CACNA2D3: variants seen among roughly 807,000 people sequenced by gnomAD.
CACNA2D3 encodes the protein calcium voltage-gated channel auxiliary subunit alpha2delta 3.
A neutral mutation model predicts 160.6 loss-of-function variants in CACNA2D3; 60 were observed. The observed-to-expected ratio is 0.37, with a 90% confidence interval of 0.30 to 0.46. The LOEUF (loss-of-function observed/expected upper bound fraction) is 0.46. Among genes scored for constraint, CACNA2D3 ranks in the 20% least tolerant of loss-of-function variants. CACNA2D3 has a pLI of 1.00. For synonymous variants in CACNA2D3, 558 were observed against 492.9 expected, an observed-to-expected ratio of 1.13 and a Z score of -1.75; for missense variants, 1,205 against 1,365.0, an observed-to-expected ratio of 0.88 and a Z score of 1.85.
At chr3:54,856,483 TC>T (rs1699173751) in intron 17 of CACNA2D3, among the ~76,000 whole-genome samples, 1 of 152,178 alleles carries the variant, frequency 6.6e-6, no homozygotes, top group Non-Finnish European at 1.5e-5. Flanking sequence ...CCTGCTCCTG[TC>T]CTTCCCTCAC....
chr3:54,687,130 TTTTTGTTTTTTTTTTTTTTTG>T (rs1559549407), intron 11 of CACNA2D3, among the ~76,000 whole-genome samples: 10 of 50,782 alleles, frequency 2.0e-4, no homozygotes, highest in Non-Finnish European at 3.9e-4. Context: ...TCTTTTTTTT[TTTTTGTTTTTTTTTTTTTTTG>T]TTTTTTTGAC....
At chr3:54,704,461 T>TTTA (rs529145854) in intron 11 of CACNA2D3, among the ~76,000 whole-genome samples, 3 of 151,984 alleles carry the variant, frequency 2.0e-5, no homozygotes, top group African/African-American at 7.3e-5. Context: ...CTCTTTTTTT[T>TTTA]AATACCTGGC....
At chr3:54,807,183 C>G (rs533568285) in intron 13 of CACNA2D3, among the ~76,000 whole-genome samples, 2 of 152,270 alleles carry the variant, frequency 1.3e-5, no homozygotes, top group Admixed American at 6.5e-5. Flanking sequence ...GCAATGGCAA[C>G]AAAAGACAAA....
rs543852876 is a variant in CACNA2D3 at position 54,641,989 on chromosome 3, G to A, written c.1054-139G>A. ...GGTGATCTGTGTGGAAAGACTTTTTGTATAGGTTGTTTTGGTGGTGGACAG... is the reference window on the plus strand; with the variant it reads ...GGTGATCTGTGTGGAAAGACTTTTTATATAGGTTGTTTTGGTGGTGGACAG... On this transcript the variant is annotated intron_variant, in intron 10 of 37. Coordinates refer to ENST00000474759, the MANE Select transcript of CACNA2D3 (RefSeq NM_018398.3). The A allele has an allele frequency of 5.6e-5, 29 of 520,344 alleles. No homozygotes were observed. In the South Asian group the frequency reaches 7.6e-4, roughly 14 times the overall value. The allele number at this position is 520,344 out of a possible 1,614,324, so 32.2% of individuals were successfully genotyped here. A position where few individuals can be genotyped will look rare whatever the true frequency, so the allele number is the denominator to read the frequency against.
chr3:55,052,786 A>G (rs536934993), intron 35 of CACNA2D3, among the ~76,000 whole-genome samples: 6 of 152,222 alleles, frequency 3.9e-5, no homozygotes, highest in African/African-American at 1.4e-4. Context: ...CGCTTTGTCT[A>G]ATATTAATAT....
At position 54,888,104 on chromosome 3, in the gene CACNA2D3, C is replaced by T. The variant is rs1017228850; in HGVS notation, c.2150+52C>T. 5.0e-5 allele frequency: 65 copies of T among 1,304,096 alleles called. No homozygotes were observed. The African/African-American group carries it at 5.7e-4, about 11-fold the overall frequency. The allele number at this position is 1,304,096 out of a possible 1,614,324, so 80.8% of individuals were successfully genotyped here. ...CATGGCCATTTCCTCACCAACACTCCGAAATATGGTTATGGTTTAAAGAAC... is the reference window on the plus strand; with the variant it reads ...CATGGCCATTTCCTCACCAACACTCTGAAATATGGTTATGGTTTAAAGAAC... On this transcript the variant is annotated intron_variant, in intron 24 of 37. Coordinates refer to ENST00000474759, the MANE Select transcript of CACNA2D3 (RefSeq NM_018398.3).
At chr3:54,612,672 C>G (rs958343480) in intron 9 of CACNA2D3, among the ~76,000 whole-genome samples, 1 of 152,130 alleles carries the variant, frequency 6.6e-6, no homozygotes, top group Non-Finnish European at 1.5e-5. Context: ...CTACTGCCTA[C>G]CAGGTCAAAA....
Position 54,846,386 on chromosome 3 carries a change from C to T in CACNA2D3, c.1552-7C>T. On this transcript the variant is annotated splice_polypyrimidine_tract_variant and splice_region_variant and intron_variant, in intron 16 of 37. Coordinates refer to ENST00000474759, the MANE Select transcript of CACNA2D3 (RefSeq NM_018398.3). ...AATGAAGGTTTCTTTCTTGCTTCCT[C>T]TTACAGTTAGGGATTCACGGTTATG... The T allele has an allele frequency of 6.3e-7, 1 of 1,594,698 alleles. No homozygotes were observed.
chr3:54,834,388 C>T (rs1313317461), intron 14 of CACNA2D3, among the ~76,000 whole-genome samples: 1 of 152,318 alleles, frequency 6.6e-6, no homozygotes, highest in East Asian at 1.9e-4. Context: ...GGGAAGACTT[C>T]TAATTCTAAG....
intron 27 of CACNA2D3, among the ~76,000 whole-genome samples, chr3:54,960,047 G>T (rs949401775): frequency 2.7e-5 from 4 of 150,346 alleles, no homozygotes; most frequent in Admixed American, 1.3e-4. Context: ...CTTTACCAAA[G>T]GTGACAGTTC....
At chr3:54,408,268 TGGAGCTTCTA>T (rs1699609896) in intron 4 of CACNA2D3, among the ~76,000 whole-genome samples, 3 of 151,890 alleles carry the variant, frequency 2.0e-5, no homozygotes, top group African/African-American at 7.3e-5. Context: ...CTGGATTGAG[TGGAGCTTCTA>T]AGAGCTCCAC....
chr3:55,015,651 T>G (rs566109465), intron 34 of CACNA2D3, among the ~76,000 whole-genome samples: 1 of 152,308 alleles, frequency 6.6e-6, no homozygotes, highest in African/African-American at 2.4e-5. Context: ...CCAGAATGAC[T>G]TGCCATACAG....
chr3:54,178,089 G>T (rs932705314), intron 2 of CACNA2D3, among the ~76,000 whole-genome samples: 2 of 152,108 alleles, frequency 1.3e-5, no homozygotes, highest in Admixed American at 1.3e-4. Flanking sequence ...AGGTAAAAAG[G>T]AGTCTGTAAA....
chr3:54,393,639 C>T (rs1404547502), intron 4 of CACNA2D3, among the ~76,000 whole-genome samples: 1 of 152,216 alleles, frequency 6.6e-6, no homozygotes, highest in Non-Finnish European at 1.5e-5. Context: ...GGAATTGGTG[C>T]CTTGTCTGCC....
In CACNA2D3 at chr3:54,925,034, G is replaced by C. The variant is rs560606749; in HGVS notation, c.2449+25166G>C. 1.9e-6 allele frequency: 3 copies of C among 1,614,006 alleles called. No homozygotes were observed. Among genetic ancestry groups the C allele is most frequent in the Non-Finnish European group, 2.5e-6 (3 of 1,180,016 alleles). ...ACCTAAATGCAAAAGCAGGAAGATG[G>C]TGTATCTGATTATCTTGTAAATGCA... On this transcript the variant is annotated intron_variant, in intron 27 of 37. Coordinates refer to ENST00000474759, the MANE Select transcript of CACNA2D3 (RefSeq NM_018398.3).
intron 29 of CACNA2D3, among the ~76,000 whole-genome samples, chr3:54,975,959 C>T (rs1702381401): frequency 6.6e-6 from 1 of 151,892 alleles, no homozygotes; most frequent in Non-Finnish European, 1.5e-5. Flanking sequence ...ATTGATTTTT[C>T]TGCCATTTGT....
intron 11 of CACNA2D3, among the ~76,000 whole-genome samples, chr3:54,723,403 G>C (rs1701212595): frequency 6.6e-6 from 1 of 152,204 alleles, no homozygotes; most frequent in Non-Finnish European, 1.5e-5. Flanking sequence ...GGAGTGAATG[G>C]TTCTGTCTTG....
chr3:54,269,400 T>C (rs1225783158), intron 2 of CACNA2D3, among the ~76,000 whole-genome samples: 1 of 152,186 alleles, frequency 6.6e-6, no homozygotes, highest in Non-Finnish European at 1.5e-5. Context: ...CTTTGTTGCA[T>C]TCCTGTCTTC....
chr3:54,710,022 GGA>G (rs2106961930), intron 11 of CACNA2D3, among the ~76,000 whole-genome samples: 1 of 152,270 alleles, frequency 6.6e-6, no homozygotes, highest in Admixed American at 6.5e-5. Context: ...ACGCACACAG[GGA>G]GAGAGGTGGG....
Sources: allele counts gnomAD v4.1 joint callset (sites outside exome capture counted in the v4.1 genomes callset), GRCh38; gene constraint gnomAD v4.1.1; transcripts MANE v1.5; gene names NCBI Gene and HGNC (gene_info 2026-07-23, HGNC 2026-07-21).